Variants in CNPY1 observed in about 807,000 individuals in gnomAD.
CNPY1 encodes the protein protein canopy homolog 1.
CNPY1 carries 14 observed loss-of-function variants against 14.4 expected under a neutral mutation model. The ratio of observed to expected loss-of-function variants is 0.97; its 90% CI spans 0.64 to 1.52. The LOEUF (loss-of-function observed/expected upper bound fraction) is 1.52. CNPY1 is among the 40% of genes most tolerant of loss of function. CNPY1 has a pLI of 0.00. For missense variants in CNPY1, 129 were observed against 131.5 expected, an observed-to-expected ratio of 0.98 and a Z score of 0.09; for synonymous variants, 43 against 46.5, an observed-to-expected ratio of 0.92 and a Z score of 0.31.
chr7:155,546,471 T>G lies in CNPY1; in HGVS notation c.-57A>C, dbSNP rs1368883639. On this transcript the variant is annotated 5_prime_UTR_variant, in exon 1 of 5. The change abolishes an upstream ATG in the 5' untranslated region. Transcript: ENST00000636446. ...CTGGGATTACAAGTATCAGCCACCA[T>G]GTGCAGCCTTCAAATGTGCTTTCCT... 7.5e-6 allele frequency: 3 copies of G among 398,098 alleles called. No individual in the cohort carries two copies. The highest frequency in any genetic ancestry group is 2.1e-5 in the African/African-American group (1 of 48,476). 24.7% of individuals were successfully genotyped at this position (398,098 alleles called of 1,614,324 possible). A position where few individuals can be genotyped will look rare whatever the true frequency, so the allele number is the denominator to read the frequency against.
intron 2 of CNPY1, 79 bp from the exon 3 acceptor site, chr7:155,509,176 A>C: frequency 1.4e-6 from 1 of 737,180 alleles, no homozygotes; most frequent in Non-Finnish European, 2.2e-6. Context: ...TCCACATGGA[A>C]ACGCCACACT....
At chr7:155,525,660 A>G (rs1022775068) in intron 2 of CNPY1, among the ~76,000 whole-genome samples, 2 of 152,226 alleles carry the variant, frequency 1.3e-5, no homozygotes, top group Non-Finnish European at 2.9e-5. Flanking sequence ...GTGTACTGCA[A>G]AGCTACTGTC....
chr7:155,520,172 A>G (rs751876765), intron 2 of CNPY1, among the ~76,000 whole-genome samples: 3 of 152,196 alleles, frequency 2.0e-5, no homozygotes, highest in African/African-American at 7.2e-5. Context: ...CTGCAAGCCA[A>G]ATCACACTGT....
At chr7:155,514,296 A>G (rs1796576701) in intron 2 of CNPY1, among the ~76,000 whole-genome samples, 1 of 152,218 alleles carries the variant, frequency 6.6e-6, no homozygotes. Context: ...AAATTTTTGG[A>G]AAAGAACATG....
In CNPY1 at chr7:155,506,857, TCTCACATG is replaced by T. The variant is rs1796329968; in HGVS notation, c.400+155_400+162del. 9 of 642,624 alleles carry T rather than the reference TCTCACATG, an allele frequency of 1.4e-5. No individual in the cohort carries two copies. The South Asian group carries it at 1.5e-4, about 11-fold the overall frequency. The allele number at this position is 642,624 out of a possible 1,614,324, so 39.8% of individuals were successfully genotyped here. ...CTGTGGTTTCTGTTTATCTGTTTTC[TCTCACATG>T]CTGTCGTTTCTGATTCAGCGGAGAC... On this transcript the variant is annotated intron_variant, in intron 4 of 4. Transcript: ENST00000636446.
chr7:155,529,047 C>G (rs1404755105), intron 2 of CNPY1, among the ~76,000 whole-genome samples: 1 of 139,146 alleles, frequency 7.2e-6, no homozygotes, highest in Non-Finnish European at 1.5e-5. Context: ...GGTGACAGAG[C>G]GAGACTCCAT....
At chr7:155,526,424 A>T (rs973616659) in intron 2 of CNPY1, among the ~76,000 whole-genome samples, 3 of 152,144 alleles carry the variant, frequency 2.0e-5, no homozygotes, top group African/African-American at 7.2e-5. Context: ...GCCTTCGTGG[A>T]CGGGGAGGTG....
chr7:155,523,912 G>C (rs531934687), intron 2 of CNPY1, among the ~76,000 whole-genome samples: 2 of 152,326 alleles, frequency 1.3e-5, no homozygotes, highest in South Asian at 4.1e-4. Flanking sequence ...GAGAAAGGCT[G>C]TGGCACTACA....
intron 2 of CNPY1, among the ~76,000 whole-genome samples, chr7:155,518,097 G>A (rs1443530248): frequency 6.6e-6 from 1 of 152,148 alleles, no homozygotes; most frequent in Non-Finnish European, 1.5e-5. Context: ...AGCTCTCTCT[G>A]CCGAAACCCT....
chr7:155,512,571 T>C (rs981491928), intron 2 of CNPY1, among the ~76,000 whole-genome samples: 1 of 152,212 alleles, frequency 6.6e-6, no homozygotes, highest in African/African-American at 2.4e-5. Context: ...AGGGAGTTTA[T>C]TACAGACCTC....
chr7:155,535,911 ATCT>A (rs2116751563), intron 2 of CNPY1, among the ~76,000 whole-genome samples: 1 of 152,262 alleles, frequency 6.6e-6, no homozygotes, highest in African/African-American at 2.4e-5. Flanking sequence ...AGACTACAAC[ATCT>A]TCTCATGGGA....
chr7:155,544,251 A>T (rs892257733), intron 2 of CNPY1, among the ~76,000 whole-genome samples: 2 of 152,190 alleles, frequency 1.3e-5, no homozygotes, highest in Non-Finnish European at 2.9e-5. Context: ...AGTAATGCAG[A>T]GATGCTATTC....
At chr7:155,528,277 A>G (rs914846316) in intron 2 of CNPY1, among the ~76,000 whole-genome samples, 11 of 152,246 alleles carry the variant, frequency 7.2e-5, no homozygotes, top group African/African-American at 2.7e-4. Flanking sequence ...TATCCTCGCC[A>G]GCACTTTCTT....
intron 2 of CNPY1, among the ~76,000 whole-genome samples, chr7:155,532,445 A>AC (rs767663352): frequency 7.0e-4 from 89 of 126,380 alleles, no homozygotes; most frequent in Non-Finnish European, 1.4e-3. Context: ...ACATGGTGAA[A>AC]CCCGTCTCTA....
At chr7:155,542,687 T>G (rs1797100273) in intron 2 of CNPY1, among the ~76,000 whole-genome samples, 1 of 152,202 alleles carries the variant, frequency 6.6e-6, no homozygotes, top group African/African-American at 2.4e-5. Flanking sequence ...CAGGCTGTCG[T>G]GGGCACCTGG....
intron 2 of CNPY1, among the ~76,000 whole-genome samples, chr7:155,525,941 C>G (rs1413607280): frequency 7.9e-5 from 12 of 152,154 alleles, no homozygotes; most frequent in Admixed American, 7.9e-4. Context: ...CATGACATAG[C>G]TATTATCAAC....
In CNPY1 at chr7:155,540,435, G is replaced by T. The variant is rs1447753154; in HGVS notation, c.99+5396C>A. 2.0e-5 allele frequency among the ~76,000 whole-genome samples: 3 copies of T among 152,250 alleles called. No homozygotes were observed. In the East Asian group the frequency reaches 5.8e-4, roughly 29 times the overall value. On this transcript the variant is annotated intron_variant, in intron 2 of 4. Transcript: ENST00000636446. ...TAAGTGAGTCACTAAAGCTTTCTGGGCCTCATCTGCATTTCTAAAATGAAG... is the reference window on the plus strand; with the variant it reads ...TAAGTGAGTCACTAAAGCTTTCTGGTCCTCATCTGCATTTCTAAAATGAAG...
intron 3 of CNPY1, among the ~76,000 whole-genome samples, chr7:155,507,417 A>G (rs1280422531): frequency 6.9e-6 from 1 of 145,816 alleles, no homozygotes; most frequent in Non-Finnish European, 1.5e-5. Context: ...TGGAAGTCAT[A>G]GGAAGAAATG....
chr7:155,507,756 C>T (rs1796377766), intron 3 of CNPY1, among the ~76,000 whole-genome samples: 1 of 152,114 alleles, frequency 6.6e-6, no homozygotes, highest in African/African-American at 2.4e-5. Context: ...TGCTCAAATA[C>T]ACCCCTGCAT....
Sources: allele counts gnomAD v4.1 joint callset (sites outside exome capture counted in the v4.1 genomes callset), GRCh38; gene constraint gnomAD v4.1.1; transcripts MANE v1.5; gene names NCBI Gene and HGNC (gene_info 2026-07-23, HGNC 2026-07-21).